Variants in MEF2A observed in about 807,000 individuals in gnomAD.
The protein encoded by MEF2A is myocyte enhancer factor 2A.
A neutral mutation model predicts 55.8 loss-of-function variants in MEF2A; 28 were observed. That is an observed-to-expected ratio of 0.50 (90% confidence interval 0.37 to 0.69). MEF2A has a LOEUF of 0.69. Ranked by LOEUF, MEF2A falls within the 30% of genes least tolerant of loss-of-function variation. MEF2A has a pLI of 0.00. For missense variants in MEF2A, 528 were observed against 626.2 expected, an observed-to-expected ratio of 0.84 and a Z score of 1.67; for synonymous variants, 239 against 227.1, an observed-to-expected ratio of 1.05 and a Z score of -0.47.
chr15:99,690,940 G>A (rs1427822285), intron 8 of MEF2A, among the ~76,000 whole-genome samples: 1 of 152,158 alleles, frequency 6.6e-6, no homozygotes, highest in Non-Finnish European at 1.5e-5. Flanking sequence ...ATATTTCAGA[G>A]TAGCTAGAAA....
chr15:99,632,750 A>G (rs994092053), intron 2 of MEF2A, among the ~76,000 whole-genome samples: 2 of 152,208 alleles, frequency 1.3e-5, no homozygotes, highest in Non-Finnish European at 2.9e-5. Context: ...GAAAACCTCA[A>G]ACATTATTGT....
At chr15:99,568,916 A>G (rs2152691084) in intron 1 of MEF2A, among the ~76,000 whole-genome samples, 1 of 152,336 alleles carries the variant, frequency 6.6e-6, no homozygotes, top group South Asian at 2.1e-4. Context: ...GTGGACCAAA[A>G]ATGATCACTA....
chr15:99,690,540 TAATA>T, intron 8 of MEF2A, 112 bp downstream of exon 8: 1 of 886,788 alleles, frequency 1.1e-6, no homozygotes, highest in East Asian at 2.6e-5. Flanking sequence ...CACCTATTCC[TAATA>T]AATATTTCCA....
At chr15:99,629,065 GA>G (rs1328274285) in intron 2 of MEF2A, among the ~76,000 whole-genome samples, 1 of 151,286 alleles carries the variant, frequency 6.6e-6, no homozygotes, top group Admixed American at 6.6e-5. Flanking sequence ...TATTATTTGG[GA>G]AAAGTCAGCT....
At chr15:99,605,411 T>C (rs1312348733) in intron 2 of MEF2A, among the ~76,000 whole-genome samples, 2 of 152,234 alleles carry the variant, frequency 1.3e-5, no homozygotes, top group East Asian at 1.9e-4. Context: ...CAATTTAGGA[T>C]GTGGTTTTCT....
rs369936377 is a variant in MEF2A, at chr15:99,697,207, A to G, written c.859-6155A>G. On this transcript the variant is annotated intron_variant, in intron 8 of 11. Coordinates refer to ENST00000557942, the MANE Select transcript of MEF2A (RefSeq NM_001319206.4). ...GATATTTTTTTTTCTCACCAGTCAT[A>G]TTTACCATGGTAGTAAAAGTCCTAG... is the stretch of plus-strand genomic sequence containing the variant. 1.0e-3 allele frequency among the ~76,000 whole-genome samples: 156 copies of G among 152,218 alleles called. No individual in the cohort carries two copies. In the South Asian group the frequency reaches 0.015, roughly 15 times the overall value.
intron 2 of MEF2A, among the ~76,000 whole-genome samples, chr15:99,601,510 GT>G (rs34835966): frequency 0.018 from 2,006 of 113,858 alleles, 26 homozygotes; most frequent in East Asian, 0.073. Flanking sequence ...CTTGGTCAGA[GT>G]TTTTTTTTTT....
Position 99,713,146 on chromosome 15 carries a change from A to G in MEF2A, c.*375A>G. 2.4e-6 allele frequency: 1 copy of G among 424,428 alleles called. No individual in the cohort carries two copies. The highest frequency in any genetic ancestry group is 3.3e-5 in the East Asian group (1 of 30,136). The allele number at this position is 424,428 out of a possible 1,614,324, so 26.3% of individuals were successfully genotyped here. On this transcript the variant is annotated 3_prime_UTR_variant, in exon 12 of 12. Transcript: ENST00000557942. ...CTTGCAGAAACCTAGAGGGCCCCCTACTTGTTTTATTTAACTGTGCAGTGA... is the reference window on the plus strand; with the variant it reads ...CTTGCAGAAACCTAGAGGGCCCCCTGCTTGTTTTATTTAACTGTGCAGTGA...
intron 5 of MEF2A, among the ~76,000 whole-genome samples, chr15:99,674,063 G>C (rs2051413780): frequency 6.6e-6 from 1 of 152,060 alleles, no homozygotes; most frequent in African/African-American, 2.4e-5. Context: ...CTTGGTGACA[G>C]TGATATATTT....
At chr15:99,636,729 G>T (rs939464946) in intron 3 of MEF2A, among the ~76,000 whole-genome samples, 2 of 151,856 alleles carry the variant, frequency 1.3e-5, no homozygotes, top group Non-Finnish European at 2.9e-5. Flanking sequence ...AGTGCCTTTT[G>T]TGTCACGTTT....
chr15:99,697,481 C>A, intron 8 of MEF2A, among the ~76,000 whole-genome samples: 1 of 151,062 alleles, frequency 6.6e-6, no homozygotes, highest in Non-Finnish European at 1.5e-5. Flanking sequence ...ATGATAACAC[C>A]CCAAATAAAG....
At chr15:99,670,443 C>T (rs2570923) in intron 4 of MEF2A, among the ~76,000 whole-genome samples, 84,524 of 151,602 alleles carry the variant, frequency 0.56, 28,344 homozygotes, top group South Asian at 0.77. Flanking sequence ...CCCATCTCTA[C>T]TAAAAATACA....
chr15:99,684,807 G>T (rs2053903536), intron 7 of MEF2A, among the ~76,000 whole-genome samples: 1 of 152,146 alleles, frequency 6.6e-6, no homozygotes, highest in Non-Finnish European at 1.5e-5. Context: ...CAGTGTTCTA[G>T]AATTTTTGTG....
At chr15:99,690,021 T>G (rs1402607731) in intron 7 of MEF2A, among the ~76,000 whole-genome samples, 1 of 152,196 alleles carries the variant, frequency 6.6e-6, no homozygotes, top group East Asian at 1.9e-4. Flanking sequence ...TGGAGGATTT[T>G]GGATTTTCAG....
intron 6 of MEF2A, among the ~76,000 whole-genome samples, chr15:99,674,981 TCTC>T (rs1022258957): frequency 2.6e-5 from 4 of 152,156 alleles, no homozygotes; most frequent in South Asian, 2.1e-4. Context: ...ATCTTTTACA[TCTC>T]CTCCTGCCTG....
At chr15:99,638,206 G>T (rs2044231568) in intron 3 of MEF2A, among the ~76,000 whole-genome samples, 1 of 152,066 alleles carries the variant, frequency 6.6e-6, no homozygotes, top group African/African-American at 2.4e-5. Context: ...TGAAGCAGTT[G>T]TCTTCCAACT....
chr15:99,605,629 A>G (rs1974789402), intron 2 of MEF2A, among the ~76,000 whole-genome samples: 1 of 151,894 alleles, frequency 6.6e-6, no homozygotes, highest in Non-Finnish European at 1.5e-5. Flanking sequence ...TTCTTGGCTC[A>G]GGGCCCAAGG....
intron 7 of MEF2A, among the ~76,000 whole-genome samples, chr15:99,680,303 G>T (rs191786344): frequency 6.6e-6 from 1 of 152,124 alleles, no homozygotes; most frequent in East Asian, 1.9e-4. Context: ...AACTGAAAAG[G>T]TTGTTCATCA....
intron 2 of MEF2A, among the ~76,000 whole-genome samples, chr15:99,626,492 A>G (rs145892069): frequency 1.3e-5 from 2 of 150,116 alleles, no homozygotes; most frequent in East Asian, 3.9e-4. Context: ...CAAATTTGTT[A>G]TTTCCTGCTT....
Sources: gnomAD v4.1 joint callset for allele counts (sites outside exome capture counted in the v4.1 genomes callset) on GRCh38, gnomAD v4.1.1 for gene constraint, MANE v1.5 for transcripts, NCBI Gene and HGNC (gene_info 2026-07-23, HGNC 2026-07-21) for gene names.